The following HDAC9 variants were observed in gnomAD, a reference collection of about 807,000 sequenced individuals.
HDAC9 encodes the protein histone deacetylase 9.
A neutral mutation model predicts 139.4 loss-of-function variants in HDAC9; 41 were observed. The observed-to-expected ratio is 0.29, with a 90% CI of 0.23 to 0.38. The LOEUF (loss-of-function observed/expected upper bound fraction) is 0.38, where lower values mean the gene tolerates loss of function less well. HDAC9 is among the 10% of genes least tolerant of loss of function. HDAC9 has a pLI of 1.00. For synonymous variants in HDAC9, 517 were observed against 476.2 expected, an observed-to-expected ratio of 1.09 and a Z score of -1.12; for missense variants, 1,147 against 1,297.0, an observed-to-expected ratio of 0.88 and a Z score of 1.78.
chr7:18,585,045 G>T (rs746080782), intron 2 of HDAC9, among the ~76,000 whole-genome samples: 47 of 152,122 alleles, frequency 3.1e-4, no homozygotes, highest in Non-Finnish European at 1.9e-4. Flanking sequence ...AAAGGAAATT[G>T]TGGAGGATTC....
chr7:18,888,075 G>A (rs1323597137), intron 22 of HDAC9, among the ~76,000 whole-genome samples: 2 of 152,128 alleles, frequency 1.3e-5, no homozygotes, highest in African/African-American at 2.4e-5. Context: ...TTGGTAAAGC[G>A]CCATAAATTC....
intron 16 of HDAC9, among the ~76,000 whole-genome samples, chr7:18,789,768 C>G (rs1208770044): frequency 7.9e-5 from 12 of 152,116 alleles, no homozygotes; most frequent in Non-Finnish European, 1.5e-5. Context: ...TTCTTCCCCT[C>G]CAGCTCCAAA....
intron 1 of HDAC9, among the ~76,000 whole-genome samples, chr7:18,097,346 A>T (rs538344723): frequency 6.6e-6 from 1 of 152,320 alleles, no homozygotes; most frequent in East Asian, 1.9e-4. Context: ...CTAAATGACC[A>T]GCAACATTGG....
intron 24 of HDAC9, among the ~76,000 whole-genome samples, chr7:18,955,421 G>A (rs1019467957): frequency 4.6e-5 from 7 of 152,062 alleles, no homozygotes; most frequent in African/African-American, 1.7e-4. Flanking sequence ...TCCAATGTAT[G>A]CTTTCAGGTC....
At chr7:18,142,884 A>T (rs1339515083) in intron 1 of HDAC9, among the ~76,000 whole-genome samples, 1 of 152,198 alleles carries the variant, frequency 6.6e-6, no homozygotes, top group African/African-American at 2.4e-5. Flanking sequence ...AGCAGCCACC[A>T]TTATATGATG....
At chr7:18,886,151 C>G (rs1162114036) in intron 22 of HDAC9, among the ~76,000 whole-genome samples, 1 of 151,668 alleles carries the variant, frequency 6.6e-6, no homozygotes, top group Non-Finnish European at 1.5e-5. Flanking sequence ...AATGAGTGCT[C>G]CATGTTCGCT....
intron 1 of HDAC9, among the ~76,000 whole-genome samples, chr7:18,323,980 G>C (rs1800241968): frequency 6.6e-6 from 1 of 151,228 alleles, no homozygotes; most frequent in African/African-American, 2.4e-5. Flanking sequence ...GAAGGGGTGA[G>C]GGAGTTCTAT....
chr7:18,938,179 C>G (rs998274892), intron 23 of HDAC9, among the ~76,000 whole-genome samples: 1 of 138,774 alleles, frequency 7.2e-6, no homozygotes, highest in Admixed American at 8.7e-5. Flanking sequence ...TGGCATGAGC[C>G]GAGATCCCGC....
intron 22 of HDAC9, among the ~76,000 whole-genome samples, chr7:18,892,921 T>G (rs1387383098): frequency 1.3e-5 from 2 of 150,994 alleles, no homozygotes; most frequent in Non-Finnish European, 2.9e-5. Context: ...CTTAAGTTTA[T>G]GTCAGATCAT....
At chr7:18,211,144 G>A (rs937154809) in intron 2 of HDAC9, among the ~76,000 whole-genome samples, 6 of 152,142 alleles carry the variant, frequency 3.9e-5, no homozygotes, top group Non-Finnish European at 8.8e-5. Context: ...AGTGATTTAG[G>A]AATCCCATCA....
chr7:18,774,272 A>C (rs540065952), intron 16 of HDAC9, among the ~76,000 whole-genome samples: 123 of 152,080 alleles, frequency 8.1e-4, no homozygotes, highest in Non-Finnish European at 1.6e-3. Context: ...TGATAAGACT[A>C]TTAAAGGACT....
chr7:18,336,183 T>A (rs1781569922), intron 1 of HDAC9, among the ~76,000 whole-genome samples: 1 of 151,594 alleles, frequency 6.6e-6, no homozygotes, highest in Admixed American at 6.6e-5. Context: ...AGATAGAAAT[T>A]AATAGCACAT....
At chr7:18,827,669 A>G (rs773907282) in intron 17 of HDAC9, among the ~76,000 whole-genome samples, 1 of 152,178 alleles carries the variant, frequency 6.6e-6, no homozygotes, top group Non-Finnish European at 1.5e-5. Context: ...TAACCCATTA[A>G]ACATATTTTT....
At chr7:18,317,499 A>G (rs1018429038) in intron 1 of HDAC9, among the ~76,000 whole-genome samples, 1 of 152,200 alleles carries the variant, frequency 6.6e-6, no homozygotes, top group African/African-American at 2.4e-5. Context: ...AAAATATAGG[A>G]AGAAAAACTG....
intron 2 of HDAC9, among the ~76,000 whole-genome samples, chr7:18,233,415 G>A (rs1226850939): frequency 1.4e-5 from 2 of 140,038 alleles, no homozygotes; most frequent in African/African-American, 2.5e-5. Context: ...ACCCCAAGAG[G>A]AATGAATCTT....
intron 13 of HDAC9, among the ~76,000 whole-genome samples, chr7:18,748,724 G>C (rs1262326304): frequency 3.3e-5 from 5 of 152,126 alleles, no homozygotes. Flanking sequence ...TTTAAAATCT[G>C]AAGTGTCTTA....
At chr7:18,739,097 G>A (rs1485929661) in intron 13 of HDAC9, among the ~76,000 whole-genome samples, 1 of 152,102 alleles carries the variant, frequency 6.6e-6, no homozygotes, top group Non-Finnish European at 1.5e-5. Flanking sequence ...TTGTGCCATG[G>A]TTTTCAGCTC....
intron 2 of HDAC9, among the ~76,000 whole-genome samples, chr7:18,499,076 GTGTA>G (rs985423941): frequency 1.3e-4 from 4 of 30,598 alleles, no homozygotes; most frequent in Non-Finnish European, 1.7e-4. Flanking sequence ...AGAGTAGGGT[GTGTA>G]TGTGTGTGTG....
intron 1 of HDAC9, among the ~76,000 whole-genome samples, chr7:18,432,679 G>A (rs1790788451): frequency 1.3e-5 from 2 of 152,214 alleles, no homozygotes; most frequent in Admixed American, 6.5e-5. Context: ...CGGGCGCTGT[G>A]GCTCACGCCT....
Sources: allele counts gnomAD v4.1 joint callset (sites outside exome capture counted in the v4.1 genomes callset), GRCh38; gene constraint gnomAD v4.1.1; transcripts MANE v1.5; gene names NCBI Gene and HGNC (gene_info 2026-07-23, HGNC 2026-07-21).